The following SPATA6L variants were observed in gnomAD, a reference collection of about 807,000 sequenced individuals.
The protein encoded by SPATA6L is spermatogenesis associated 6-like protein.
SPATA6L carries 68 observed loss-of-function variants against 49.2 expected under a neutral mutation model. The observed-to-expected ratio is 1.38, with a 90% CI of 1.14 to 1.69. SPATA6L has a LOEUF of 1.69. Ranked by LOEUF, SPATA6L falls within the 40% of genes most tolerant of loss-of-function variation. SPATA6L has a pLI of 0.00. For missense variants in SPATA6L, 668 were observed against 464.3 expected, an observed-to-expected ratio of 1.44 and a Z score of -4.03; for synonymous variants, 198 against 165.7, an observed-to-expected ratio of 1.19 and a Z score of -1.50.
At chr9:4,659,799 C>T (rs1839182750) in intron 2 of SPATA6L, among the ~76,000 whole-genome samples, 1 of 152,280 alleles carries the variant, frequency 6.6e-6, no homozygotes, top group East Asian at 1.9e-4. Flanking sequence ...CTACAGTAAC[C>T]AAAACAGCAC....
chr9:4,664,783 C>G (rs1443563348), intron 1 of SPATA6L: 1 of 167,076 alleles, frequency 6.0e-6, no homozygotes, highest in Non-Finnish European at 1.5e-5. Context: ...TGAGTGAAAG[C>G]ATGAGCTTGT....
intron 3 of SPATA6L, among the ~76,000 whole-genome samples, chr9:4,639,338 T>A (rs1833538809): frequency 6.6e-6 from 1 of 152,208 alleles, no homozygotes. Flanking sequence ...TGTCCCTGCA[T>A]CTAAAGGATA....
chr9:4,661,749 T>TCCGACTGTGGTTTTGCTTCAAGG (rs1554615832), intron 2 of SPATA6L, 150 bp downstream of exon 2: 43 of 799,992 alleles, frequency 5.4e-5, no homozygotes, highest in African/African-American at 1.6e-4. Context: ...AAGCAAGTGT[T>TCCGACTGTGGTTTTGCTTCAAGG]CCGACTGCGG....
intron 9 of SPATA6L, among the ~76,000 whole-genome samples, chr9:4,610,255 C>A (rs1399959351): frequency 2.7e-5 from 4 of 145,802 alleles, no homozygotes; most frequent in Admixed American, 6.9e-5. Context: ...CCATCCCCAT[C>A]AAGCTACCAA....
intron 3 of SPATA6L, among the ~76,000 whole-genome samples, chr9:4,641,607 C>T (rs773107344): frequency 1.9e-4 from 29 of 152,160 alleles, no homozygotes; most frequent in Non-Finnish European, 3.7e-4. Context: ...ATAGGCCTAA[C>T]TACATTTTCG....
At chr9:4,608,522 G>A (rs1825873509) in intron 9 of SPATA6L, among the ~76,000 whole-genome samples, 1 of 121,230 alleles carries the variant, frequency 8.2e-6, no homozygotes, top group South Asian at 2.9e-4. Context: ...CATGGAAACT[G>A]AACAACCTGC....
intron 3 of SPATA6L, among the ~76,000 whole-genome samples, chr9:4,649,468 C>T (rs7866716): frequency 0.026 from 4,017 of 152,232 alleles, 160 homozygotes; most frequent in African/African-American, 0.091. Flanking sequence ...CTCTATGAGT[C>T]CAATGCAATG....
In SPATA6L at chr9:4,662,801, C is replaced by T. The variant is rs138694380; in HGVS notation, c.40-765G>A. The T allele has an allele frequency of 1.5e-4, 233 of 1,605,118 alleles. No individual in the cohort carries two copies. The highest frequency in any genetic ancestry group is 1.8e-4 in the Non-Finnish European group (214 of 1,179,966). ...TGAAGCTGCTGGAGATCTCGGGACA[C>T]GGCATCCCCTGGCTGCTGGGCACCC... On this transcript the variant is annotated intron_variant, in intron 1 of 11. Coordinates refer to ENST00000682582, the MANE Select transcript of SPATA6L (RefSeq NM_001353486.2). The surrounding 1 kb of genome is among the most constrained non-coding windows in gnomAD (Gnocchi z 4.9).
At position 4,600,631 on chromosome 9, in the gene SPATA6L, C is replaced by CAGATTAA. The variant is rs1823007176; in HGVS notation, c.*179_*180insTTAATCT. On this transcript the variant is annotated 3_prime_UTR_variant, in exon 12 of 12. Transcript: ENST00000682582. ...AAAATGTTAGCCCCCAAACAGCAAA[C>CAGATTAA]ACTTTAATCAACAACTCTTACCTGG... 1.3e-5 allele frequency: 2 copies of CAGATTAA among 152,218 alleles called. No individual in the cohort carries two copies. Among genetic ancestry groups the CAGATTAA allele is most frequent in the African/African-American group, 2.4e-5 (1 of 41,458 alleles). The allele number at this position is 152,218 out of a possible 1,614,324, so 9.4% of individuals were successfully genotyped here. A position where few individuals can be genotyped will look rare whatever the true frequency, so the allele number is the denominator to read the frequency against.
At chr9:4,595,995 T>G (rs149779443), downstream of SPATA6L, among the ~76,000 whole-genome samples, 1 of 152,196 alleles carries the variant, frequency 6.6e-6, no homozygotes, top group African/African-American at 2.4e-5. Flanking sequence ...GGGTGTTACA[T>G]GCTCCACTTC....
At chr9:4,652,825 G>A (rs1482624956) in intron 3 of SPATA6L, among the ~76,000 whole-genome samples, 1 of 131,184 alleles carries the variant, frequency 7.6e-6, no homozygotes, top group African/African-American at 2.9e-5. Flanking sequence ...TAGGCAACAA[G>A]AGTGAAATTC....
intron 13 of SPATA6L, among the ~76,000 whole-genome samples, chr9:4,590,500 G>A (rs1237988129): frequency 6.6e-6 from 1 of 152,148 alleles, no homozygotes; most frequent in Non-Finnish European, 1.5e-5. Flanking sequence ...CGCTTGGCCT[G>A]CCACTTTTAA....
At chr9:4,601,379 TGTTTGGTTTTTTGGA>T (rs1823225610) in intron 11 of SPATA6L, among the ~76,000 whole-genome samples, 1 of 151,178 alleles carries the variant, frequency 6.6e-6, no homozygotes, top group African/African-American at 2.4e-5. Context: ...TTTTTTTTTT[TGTTTGGTTTTTTGGA>T]TGTTTGGTTT....
At chr9:4,666,080 G>C in intron 1 of SPATA6L, 132 bp downstream of exon 1, 1 of 823,116 alleles carries the variant, frequency 1.2e-6, no homozygotes, top group Non-Finnish European at 2.1e-6. Context: ...AAAGACAAAG[G>C]TGCGATCTGT....
rs1822640411 is a variant in SPATA6L, at chr9:4,599,089, C to G, written c.*1722G>C. 6.6e-6 allele frequency among the ~76,000 whole-genome samples: 1 copy of G among 152,208 alleles called. No individual in the cohort carries two copies. The highest frequency in any genetic ancestry group is 6.5e-5 in the Admixed American group (1 of 15,278). On this transcript the variant is annotated 3_prime_UTR_variant, in exon 12 of 12. Transcript: ENST00000682582. ...GAAATTCATTTACGTTTTATATACA[C>G]TTTATACAGGTAGCCTGAAGGTAAT...
At chr9:4,602,646 T>C (rs569802153) in intron 11 of SPATA6L, among the ~76,000 whole-genome samples, 11 of 146,726 alleles carry the variant, frequency 7.5e-5, no homozygotes, top group South Asian at 6.4e-4. Context: ...AGGATCCTAG[T>C]GGGAGCCTTC....
intron 9 of SPATA6L, chr9:4,617,409 A>G (rs1211411218): frequency 6.6e-6 from 1 of 152,276 alleles, no homozygotes; most frequent in Admixed American, 6.5e-5. Context: ...TTACCCTACT[A>G]GAGAGTGCTG....
downstream of SPATA6L, among the ~76,000 whole-genome samples, chr9:4,596,284 G>A (rs1218710755): frequency 1.3e-5 from 2 of 152,180 alleles, no homozygotes; most frequent in African/African-American, 2.4e-5. Flanking sequence ...GTGGGTCCAT[G>A]CGAGGCTGTG....
At chr9:4,595,980 G>A (rs368368176), downstream of SPATA6L, among the ~76,000 whole-genome samples, 5 of 152,198 alleles carry the variant, frequency 3.3e-5, no homozygotes, top group East Asian at 5.8e-4. Flanking sequence ...CCTTGTGGGA[G>A]GATGGGGTGT....
Sources: gnomAD v4.1 joint callset for allele counts (sites outside exome capture counted in the v4.1 genomes callset) on GRCh38, gnomAD v4.1.1 for gene constraint, Gnocchi (gnomAD v3.1) non-coding constraint, MANE v1.5 for transcripts, NCBI Gene and HGNC (gene_info 2026-07-23, HGNC 2026-07-21) for gene names.